ABI3BP: variants seen among roughly 807,000 people sequenced by gnomAD.
ABI3BP encodes the protein ABI family member 3 binding protein.
Under a neutral mutation model 268.6 loss-of-function variants are expected in ABI3BP, and 216 were observed. The observed-to-expected ratio is 0.80, with a 90% CI of 0.72 to 0.90. The LOEUF (loss-of-function observed/expected upper bound fraction) is 0.90, where lower values mean the gene tolerates loss of function less well. ABI3BP is among the 40% of genes least tolerant of loss of function. The probability of loss-of-function intolerance (pLI) is 0.00; values close to 1 mark genes in which losing one functional copy is unlikely to be tolerated. For synonymous variants in ABI3BP, 730 were observed against 730.0 expected (o/e 1.00, Z 0.00); for missense variants, 2,090 against 2,182.4 (o/e 0.96, Z 0.84).
chr3:100,959,322 C>T (rs2078019546), intron 1 of ABI3BP, among the ~76,000 whole-genome samples: 1 of 151,284 alleles, frequency 6.6e-6, no homozygotes, highest in South Asian at 2.1e-4. Flanking sequence ...AACCCCGTCT[C>T]TACTAAAAAT....
At chr3:100,811,325 G>A in intron 47 of ABI3BP, 48 bp from the exon 48 acceptor site, 2 of 1,365,934 alleles carry the variant, frequency 1.5e-6, no homozygotes, top group East Asian at 2.5e-5. Flanking sequence ...AAGATATTAA[G>A]CTATAGCATT....
chr3:100,825,757 A>AAC (rs1158888486), intron 35 of ABI3BP, 28 bp downstream of exon 35: 9 of 1,518,960 alleles, frequency 5.9e-6, no homozygotes, highest in Non-Finnish European at 8.0e-6. Flanking sequence ...GCACTTGGCA[A>AAC]ACAGCCAGGT....
chr3:100,941,776 GA>G (rs1248612621), intron 1 of ABI3BP, among the ~76,000 whole-genome samples: 2 of 152,144 alleles, frequency 1.3e-5, no homozygotes, highest in Non-Finnish European at 2.9e-5. Context: ...AGCCAAGTAG[GA>G]AAACTGCTTT....
chr3:100,783,133 C>T (rs1022826630), intron 57 of ABI3BP, among the ~76,000 whole-genome samples: 4 of 152,210 alleles, frequency 2.6e-5, no homozygotes, highest in African/African-American at 9.6e-5. Flanking sequence ...CCAGTGACTT[C>T]ATTCCCTGTG....
At chr3:100,847,754 AT>A in intron 18 of ABI3BP, 81 bp from the exon 19 acceptor site, 1 of 1,189,380 alleles carries the variant, frequency 8.4e-7, no homozygotes, top group Non-Finnish European at 1.2e-6. Flanking sequence ...TAAATGATCC[AT>A]TTAAAATCCT....
At chr3:100,811,368 A>C in intron 47 of ABI3BP, 91 bp from the exon 48 acceptor site, 1 of 1,006,824 alleles carries the variant, frequency 9.9e-7, no homozygotes, top group Non-Finnish European at 1.4e-6. Context: ...AATAATTTGC[A>C]TCATAATTTT....
At chr3:100,777,336 G>T (rs1300938840) in intron 59 of ABI3BP, among the ~76,000 whole-genome samples, 1 of 152,216 alleles carries the variant, frequency 6.6e-6, no homozygotes, top group African/African-American at 2.4e-5. Flanking sequence ...GGCATGTCCT[G>T]GGTGAAGAAC....
chr3:100,953,741 G>C (rs898645219), intron 1 of ABI3BP, among the ~76,000 whole-genome samples: 23 of 152,134 alleles, frequency 1.5e-4, no homozygotes, highest in Non-Finnish European at 2.9e-4. Context: ...TATGGAGAAG[G>C]TGAGACTTCA....
At chr3:100,844,456 AGCAAAG>A (rs2098744689) in intron 20 of ABI3BP, 1 of 985,398 alleles carries the variant, frequency 1.0e-6, no homozygotes, top group Non-Finnish European at 1.2e-6. Flanking sequence ...TTAACCACCA[AGCAAAG>A]CCAAAGGAAA....
chr3:100,893,171 T>G (rs770622831), intron 4 of ABI3BP, among the ~76,000 whole-genome samples: 1 of 152,162 alleles, frequency 6.6e-6, no homozygotes, highest in African/African-American at 2.4e-5. Flanking sequence ...ACATCAGACT[T>G]CAAGTTTTCA....
At position 100,880,181 on chromosome 3, in the gene ABI3BP, G is replaced by A. The variant is rs182886354; in HGVS notation, c.697-3621C>T. ...AGAGTCACAGATGTAGACAGTGTGG[G>A]GCCTGGAAATGGGAAGGAGGCAGTG... On this transcript the variant is annotated intron_variant, in intron 6 of 67. Coordinates refer to ENST00000471714, the MANE Select transcript of ABI3BP (RefSeq NM_001375547.2). Among the ~76,000 whole-genome samples, 3 of 152,274 alleles carry A rather than the reference G, an allele frequency of 2.0e-5. No individual in the cohort carries two copies. The East Asian group carries it at 5.8e-4, about 29-fold the overall frequency.
Position 100,876,527 on chromosome 3 carries a change from T to C in ABI3BP, c.730A>G (p.Thr244Ala). The C allele has an allele frequency of 6.2e-7, 1 of 1,613,476 alleles. No individual in the cohort carries two copies. Among genetic ancestry groups the C allele is most frequent in the East Asian group, 2.2e-5 (1 of 44,826 alleles). ...AYVPRKLIPITIIKQVIQNVT... is the reference protein window; with the variant it reads ...AYVPRKLIPIAIIKQVIQNVT... ...GACAAATTACCTTGCTTGATGATTG[T>C]TATTGGGATTAGTTTCCTTGGGACA... is the stretch of plus-strand genomic sequence containing the variant. The change falls in exon 7 of 68, where the codon ACA becomes GCA. Residue 244 changes from threonine to alanine, a missense_variant. Thr to Ala is a moderately conservative substitution (Grantham distance 58). Transcript: ENST00000471714.
intron 27 of ABI3BP, 80 bp from the exon 28 acceptor site, chr3:100,835,740 AC>A: frequency 4.3e-6 from 5 of 1,157,024 alleles, no homozygotes; most frequent in Admixed American, 4.4e-5. Context: ...AATCTTCTTA[AC>A]CCTTTAATGT....
intron 4 of ABI3BP, among the ~76,000 whole-genome samples, chr3:100,893,762 C>T (rs897097483): frequency 1.3e-5 from 2 of 152,118 alleles, no homozygotes; most frequent in Non-Finnish European, 2.9e-5. Context: ...GGGAGAGAAA[C>T]TTTGAGCATG....
At chr3:100,886,982 T>G (rs1168744360) in intron 4 of ABI3BP, among the ~76,000 whole-genome samples, 1 of 152,010 alleles carries the variant, frequency 6.6e-6, no homozygotes, top group Non-Finnish European at 1.5e-5. Flanking sequence ...TGTAAAATAA[T>G]CCTTATCACT....
In ABI3BP at chr3:100,842,016, G is replaced by T. The variant is rs73135597; in HGVS notation, c.1747C>A (p.Pro583Thr). The T allele has an allele frequency of 2.6e-6, 4 of 1,534,040 alleles. No individual in the cohort carries two copies. Among genetic ancestry groups the T allele is most frequent in the Non-Finnish European group, 2.6e-6 (3 of 1,145,312 alleles). Residue 583 changes from proline (P) to threonine (T), a missense_variant, in exon 21 of 68, where the codon CCA (proline) becomes ACA (threonine). Coordinates refer to ENST00000471714, the MANE Select transcript of ABI3BP (RefSeq NM_001375547.2). ...KPAPEPQTLL[P>T]SQSTIGPETP... ...TTATTACCTATTGTTGACTGTGATG[G>T]CAGTAGAGTCTGAGGTTCTGGGGCT...
intron 54 of ABI3BP, 37 bp downstream of exon 54, chr3:100,794,886 C>T (rs1430268325): frequency 8.9e-6 from 13 of 1,468,298 alleles, no homozygotes; most frequent in Non-Finnish European, 1.0e-5. Context: ...TCCTAAAAGG[C>T]AAGCTCTCTT....
chr3:100,829,454 C>G, intron 33 of ABI3BP, 127 bp downstream of exon 33: 2 of 817,664 alleles, frequency 2.4e-6, no homozygotes, highest in Non-Finnish European at 1.9e-6. Flanking sequence ...CGTCATCTCC[C>G]CAGCCCTGTT....
At chr3:100,786,828 C>A (rs574233294) in intron 57 of ABI3BP, among the ~76,000 whole-genome samples, 40 of 152,158 alleles carry the variant, frequency 2.6e-4, no homozygotes, top group African/African-American at 8.9e-4. Context: ...GTATTGGCCT[C>A]ATTATTTGGT....
Sources: gnomAD v4.1 joint callset for allele counts (sites outside exome capture counted in the v4.1 genomes callset) on GRCh38, gnomAD v4.1.1 for gene constraint, MANE v1.5 for transcripts, NCBI Gene and HGNC (gene_info 2026-07-23, HGNC 2026-07-21) for gene names.